Variants in ABLIM3 observed in about 807,000 individuals in gnomAD.
ABLIM3 encodes actin-binding LIM protein 3.
Under a neutral mutation model 109.5 loss-of-function variants are expected in ABLIM3, and 61 were observed. The ratio of observed to expected loss-of-function variants is 0.56; its 90% CI spans 0.45 to 0.69. The LOEUF is 0.69. ABLIM3 is among the 30% of genes least tolerant of loss of function. ABLIM3 has a pLI of 0.00. For synonymous variants in ABLIM3, 300 were observed against 324.8 expected, an observed-to-expected ratio of 0.92 and a Z score of 0.82; for missense variants, 796 against 889.5, an observed-to-expected ratio of 0.89 and a Z score of 1.34.
intron 8 of ABLIM3, among the ~76,000 whole-genome samples, chr5:149,225,976 G>GTATA (rs1761185076): frequency 1.6e-4 from 6 of 38,506 alleles, no homozygotes; most frequent in Non-Finnish European, 3.1e-4. Flanking sequence ...GTGTGTGTGT[G>GTATA]TGTGTGTATA....
At chr5:149,143,310 C>T (rs1752651533) in intron 2 of ABLIM3, among the ~76,000 whole-genome samples, 1 of 151,924 alleles carries the variant, frequency 6.6e-6, no homozygotes, top group East Asian at 1.9e-4. Context: ...TTGCAGTGAG[C>T]CGAGATCACA....
At chr5:149,177,520 A>G (rs1488271528) in intron 2 of ABLIM3, among the ~76,000 whole-genome samples, 1 of 152,214 alleles carries the variant, frequency 6.6e-6, no homozygotes, top group African/African-American at 2.4e-5. Flanking sequence ...TCTGCAGGAT[A>G]TATCAAAAGC....
Position 149,183,474 on chromosome 5 carries a change from C to A in ABLIM3, c.36C>A (p.Tyr12Ter). The change falls in exon 3 of 24, where the codon TAC (tyrosine) becomes TAA (stop). Residue 12 changes from tyrosine to a stop codon, truncating the protein, a stop_gained. Transcript: ENST00000309868. LOFTEE classifies it high-confidence loss of function. Reference protein sequence around the residue: ...NTSIPYQQNPYNPRGSSNVIQ... With the variant: ...NTSIPYQQNP The stretch of plus-strand genomic sequence containing the variant: ...CAGTTCCTTATCAGCAGAATCCTTA[C>A]AATCCACGGGGCAGCTCCAATGTCA... The A allele has an allele frequency of 6.4e-7, 1 of 1,573,984 alleles. No homozygotes were observed. The highest frequency in any genetic ancestry group is 8.6e-7 in the Non-Finnish European group (1 of 1,161,516).
chr5:149,251,317 T>C, intron 20 of ABLIM3, 42 bp from the exon 21 acceptor site: 1 of 1,609,902 alleles, frequency 6.2e-7, no homozygotes, highest in East Asian at 2.2e-5. Flanking sequence ...GAGGCAGAGG[T>C]GAGCTTATCT....
intron 6 of ABLIM3, 81 bp downstream of exon 6, chr5:149,207,215 T>TC (rs1316718364): frequency 4.5e-5 from 69 of 1,526,088 alleles, no homozygotes; most frequent in Middle Eastern, 4.0e-4. Context: ...TGCCTACATC[T>TC]CCAGCATCAT....
In ABLIM3 at chr5:149,202,163, C is replaced by T. The variant is rs149642203; in HGVS notation, c.448+1735C>T. Among the ~76,000 whole-genome samples, 5 of 152,298 alleles carry T rather than the reference C, an allele frequency of 3.3e-5. No individual in the cohort carries two copies. In the East Asian group the frequency reaches 9.6e-4, roughly 29 times the overall value. ...TTGTGTGTTACTGTATGCATTTGTGCTACACCTATCACCTACTCTTTAGGT... is the reference window on the plus strand; with the variant it reads ...TTGTGTGTTACTGTATGCATTTGTGTTACACCTATCACCTACTCTTTAGGT... On this transcript the variant is annotated intron_variant, in intron 5 of 23. Transcript: ENST00000309868.
chr5:149,197,615 A>C (rs576097631), intron 3 of ABLIM3, among the ~76,000 whole-genome samples: 37 of 152,242 alleles, frequency 2.4e-4, no homozygotes, highest in African/African-American at 8.9e-4. Flanking sequence ...CATCCATCCC[A>C]TTGCCATCCG....
intron 12 of ABLIM3, 110 bp from the exon 13 acceptor site, chr5:149,239,649 T>A: frequency 2.1e-6 from 3 of 1,461,768 alleles, no homozygotes; most frequent in Non-Finnish European, 1.8e-6. Context: ...TATTCACACC[T>A]CAAACCCGAG....
chr5:149,236,756 T>C (rs1752231831), intron 10 of ABLIM3, among the ~76,000 whole-genome samples: 1 of 152,122 alleles, frequency 6.6e-6, no homozygotes, highest in Non-Finnish European at 1.5e-5. Flanking sequence ...GCAAGCTCCC[T>C]GTGTTGAAAC....
intron 3 of ABLIM3, among the ~76,000 whole-genome samples, chr5:149,186,554 C>T (rs530431515): frequency 9.9e-5 from 15 of 151,928 alleles, no homozygotes; most frequent in Middle Eastern, 3.4e-3. Context: ...GTAATAGAGT[C>T]AAGCAGAAAA....
At chr5:149,161,904 G>A (rs1009653599) in intron 2 of ABLIM3, among the ~76,000 whole-genome samples, 6 of 151,880 alleles carry the variant, frequency 4.0e-5, no homozygotes, top group Non-Finnish European at 7.4e-5. Flanking sequence ...GTGTGTGTGT[G>A]TATGTGTATG....
intron 14 of ABLIM3, among the ~76,000 whole-genome samples, 153 bp from the exon 15 acceptor site, chr5:149,242,338 G>A (rs1216232219): frequency 1.3e-5 from 2 of 152,186 alleles, no homozygotes; most frequent in African/African-American, 2.4e-5. Context: ...GGAAGAGGAA[G>A]TCACCAGGGG....
rs117397797 is a variant in ABLIM3, at chr5:149,168,120, G to C, written c.14-15332G>C. 6.1e-3 allele frequency among the ~76,000 whole-genome samples: 932 copies of C among 152,242 alleles called. 45 individuals are homozygous for C. In the East Asian group the frequency reaches 0.1, roughly 17 times the overall value. On this transcript the variant is annotated intron_variant, in intron 2 of 23. Coordinates refer to ENST00000309868, the MANE Select transcript of ABLIM3 (RefSeq NM_014945.5). ...CTTCAGGCATTGTCAAATGACTGCT[G>C]GGCAAGAGATAGGGGTCAGGGAATT...
At chr5:149,249,942 G>C in intron 19 of ABLIM3, 98 bp downstream of exon 19, 1 of 1,413,256 alleles carries the variant, frequency 7.1e-7, no homozygotes, top group South Asian at 1.2e-5. Flanking sequence ...CATACAATGT[G>C]GATGTCCCAG....
chr5:149,186,779 T>C (rs908875100), intron 3 of ABLIM3, among the ~76,000 whole-genome samples: 14 of 152,092 alleles, frequency 9.2e-5, no homozygotes, highest in Admixed American at 7.2e-4. Flanking sequence ...AACAACTTTG[T>C]ATATTGAAAT....
chr5:149,247,034 A>C (rs1025910085), intron 17 of ABLIM3, among the ~76,000 whole-genome samples: 2 of 152,294 alleles, frequency 1.3e-5, no homozygotes, highest in African/African-American at 4.8e-5. Flanking sequence ...CGAAAGCTAA[A>C]ATATGGAAAT....
chr5:149,149,122 A>C (rs1357675883), intron 2 of ABLIM3, among the ~76,000 whole-genome samples: 1 of 152,366 alleles, frequency 6.6e-6, no homozygotes, highest in Non-Finnish European at 1.5e-5. Flanking sequence ...TGGGATAAGT[A>C]GAGACCATGC....
At chr5:149,181,527 G>C (rs2127473125) in intron 2 of ABLIM3, among the ~76,000 whole-genome samples, 1 of 152,268 alleles carries the variant, frequency 6.6e-6, no homozygotes, top group Admixed American at 6.5e-5. Context: ...GAAAGATTGT[G>C]AGAAGTATAT....
rs1561648321 is a variant in ABLIM3, at chr5:149,259,783, A to G, written c.*1379A>G. 3.3e-6 allele frequency: 2 copies of G among 607,426 alleles called. No individual in the cohort carries two copies. The highest frequency in any genetic ancestry group is 1.9e-5 in the African/African-American group (1 of 53,974). The allele number at this position is 607,426 out of a possible 1,614,324, so 37.6% of individuals were successfully genotyped here. On this transcript the variant is annotated 3_prime_UTR_variant, in exon 24 of 24. Transcript: ENST00000309868. Reference sequence around the variant, plus strand: ...TCGGACCATTTTGAGATCATGGAGGAAGGATGAAGAAGTGAAAATGACAAT... The same window carrying G: ...TCGGACCATTTTGAGATCATGGAGGGAGGATGAAGAAGTGAAAATGACAAT...
Sources: allele counts gnomAD v4.1 joint callset (sites outside exome capture counted in the v4.1 genomes callset), GRCh38; gene constraint gnomAD v4.1.1; transcripts MANE v1.5; gene names NCBI Gene and HGNC (gene_info 2026-07-23, HGNC 2026-07-21).